Variants in ELOVL2 observed in about 807,000 individuals in gnomAD.
The protein encoded by ELOVL2 is very long chain fatty acid elongase 2.
A neutral mutation model predicts 37.7 loss-of-function variants in ELOVL2; 38 were observed. That is an observed-to-expected ratio of 1.01 (90% CI 0.78 to 1.32). The LOEUF (loss-of-function observed/expected upper bound fraction) is 1.32, where lower values mean the gene tolerates loss of function less well. Among genes scored for constraint, ELOVL2 ranks in the 40% most tolerant of loss-of-function variants. ELOVL2 has a pLI of 0.00. For missense variants in ELOVL2, 352 were observed against 363.6 expected, an observed-to-expected ratio of 0.97 and a Z score of 0.26; for synonymous variants, 115 against 122.3, an observed-to-expected ratio of 0.94 and a Z score of 0.40.
intron 1 of ELOVL2, among the ~76,000 whole-genome samples, chr6:11,013,457 G>A (rs1180509718): frequency 1.3e-5 from 2 of 152,220 alleles, no homozygotes; most frequent in African/African-American, 4.8e-5. Context: ...TAAATGTCAA[G>A]TGTGCTGGAC....
chr6:11,024,535 A>C (rs1259872512), intron 1 of ELOVL2, among the ~76,000 whole-genome samples: 2 of 152,222 alleles, frequency 1.3e-5, no homozygotes, highest in African/African-American at 4.8e-5. Context: ...ACTTAGTATT[A>C]CTGAATAAAA....
At chr6:11,036,628 A>G (rs1338838829) in intron 1 of ELOVL2, among the ~76,000 whole-genome samples, 2 of 152,226 alleles carry the variant, frequency 1.3e-5, no homozygotes, top group Non-Finnish European at 2.9e-5. Flanking sequence ...ACATTAGAAC[A>G]GTCATGAAAT....
At chr6:11,013,868 CAA>C (rs57378623) in intron 1 of ELOVL2, among the ~76,000 whole-genome samples, 48 of 136,704 alleles carry the variant, frequency 3.5e-4, no homozygotes, top group African/African-American at 6.6e-4. Context: ...CTCCACAAAG[CAA>C]AAAAAAAAAA....
At chr6:11,030,977 A>G (rs1449902721) in intron 1 of ELOVL2, among the ~76,000 whole-genome samples, 42 of 152,216 alleles carry the variant, frequency 2.8e-4, no homozygotes. Context: ...ATATATTTAC[A>G]TGCAGATATT....
At chr6:10,992,166 C>A (rs1022406429) in intron 5 of ELOVL2, among the ~76,000 whole-genome samples, 1 of 152,160 alleles carries the variant, frequency 6.6e-6, no homozygotes, top group Non-Finnish European at 1.5e-5. Flanking sequence ...GAGATCAATT[C>A]TTTCTTTCTT....
At position 10,983,789 on chromosome 6, in the gene ELOVL2, C is replaced by G; in HGVS notation, c.883G>C (p.Ala295Pro). The G allele has an allele frequency of 3.1e-6, 5 of 1,605,396 alleles. No homozygotes were observed. The highest frequency in any genetic ancestry group is 4.2e-6 in the Non-Finnish European group (5 of 1,177,554). ...TTTTCTGTTACTCATTTTTATTGTGCTTTCTTGTTCATCACTCCATTTGCT... is the reference window on the plus strand; with the variant it reads ...TTTTCTGTTACTCATTTTTATTGTGGTTTCTTGTTCATCACTCCATTTGCT... ...TAANGVMNKKAQ is the reference protein window; with the variant it reads ...TAANGVMNKKPQ The change falls in exon 8 of 8, where the codon GCA becomes CCA. Residue 295 changes from alanine to proline, a missense_variant. Physicochemically the swap from Ala to Pro is conservative, Grantham distance 27 (BLOSUM62 -1). Transcript: ENST00000354666.
chr6:11,007,176 G>A (rs976523983), intron 2 of ELOVL2, among the ~76,000 whole-genome samples: 3 of 152,214 alleles, frequency 2.0e-5, no homozygotes, highest in African/African-American at 7.2e-5. Flanking sequence ...GAAATGACTT[G>A]CACTAAACTG....
At chr6:11,015,302 T>C (rs1386736667) in intron 1 of ELOVL2, among the ~76,000 whole-genome samples, 2 of 152,150 alleles carry the variant, frequency 1.3e-5, no homozygotes, top group Admixed American at 6.5e-5. Flanking sequence ...CTGCACTACA[T>C]AGTATGCTAA....
At chr6:10,996,962 A>G (rs1043297937) in intron 4 of ELOVL2, among the ~76,000 whole-genome samples, 3 of 152,230 alleles carry the variant, frequency 2.0e-5, no homozygotes, top group African/African-American at 7.2e-5. Context: ...CTGAGCCGAG[A>G]TGGCACCACT....
At chr6:11,040,004 A>C (rs1783074549) in intron 1 of ELOVL2, among the ~76,000 whole-genome samples, 1 of 152,194 alleles carries the variant, frequency 6.6e-6, no homozygotes, top group South Asian at 2.1e-4. Flanking sequence ...ACAAAAGAGG[A>C]GATCTGTAGA....
chr6:11,031,376 T>C (rs756822412), intron 1 of ELOVL2, among the ~76,000 whole-genome samples: 1 of 152,260 alleles, frequency 6.6e-6, no homozygotes, highest in Non-Finnish European at 1.5e-5. Flanking sequence ...TGGAACTTGC[T>C]ACTGTCAGAA....
intron 7 of ELOVL2, among the ~76,000 whole-genome samples, chr6:10,986,852 T>C (rs921039607): frequency 6.6e-6 from 1 of 152,268 alleles, no homozygotes; most frequent in African/African-American, 2.4e-5. Flanking sequence ...ATCATGATGA[T>C]GCTGGCCTCA....
chr6:10,998,351 T>C (rs1561716359), intron 4 of ELOVL2, among the ~76,000 whole-genome samples: 1 of 152,208 alleles, frequency 6.6e-6, no homozygotes, highest in East Asian at 1.9e-4. Flanking sequence ...CCTAAGCATT[T>C]TTCTTTTCTC....
chr6:11,026,220 T>C (rs1253051784), intron 1 of ELOVL2, among the ~76,000 whole-genome samples: 2 of 152,216 alleles, frequency 1.3e-5, no homozygotes, highest in African/African-American at 4.8e-5. Flanking sequence ...CCTGCTCTGA[T>C]TCCATAAAAA....
chr6:11,016,681 T>C (rs1782690031), intron 1 of ELOVL2, among the ~76,000 whole-genome samples: 1 of 152,200 alleles, frequency 6.6e-6, no homozygotes, highest in South Asian at 2.1e-4. Context: ...TCCTCTCCAT[T>C]GTTCCCATGG....
chr6:11,004,082 CAA>C (rs796099767), intron 3 of ELOVL2, among the ~76,000 whole-genome samples: 8 of 131,714 alleles, frequency 6.1e-5, no homozygotes, highest in South Asian at 2.4e-4. Flanking sequence ...GACTCTGCCT[CAA>C]AAAAAAAAAA....
rs1781955814 is a variant in ELOVL2, at chr6:10,982,438, A to C, written c.*1343T>G. 6.6e-6 allele frequency: 1 copy of C among 152,146 alleles called. No homozygotes were observed. The highest frequency in any genetic ancestry group is 1.5e-5 in the Non-Finnish European group (1 of 68,024). The allele number at this position is 152,146 out of a possible 1,614,324, so 9.4% of individuals were successfully genotyped here. The stretch of plus-strand genomic sequence containing the variant: ...ATAAGGCAGGAGAGAAGATGAAGTG[A>C]CTTCATCGAAGCTAACAAGTTTTAT... On this transcript the variant is annotated 3_prime_UTR_variant, in exon 8 of 8. Transcript: ENST00000354666.
chr6:10,984,191 T>G (rs1163654606), intron 7 of ELOVL2, among the ~76,000 whole-genome samples: 1 of 152,078 alleles, frequency 6.6e-6, no homozygotes, highest in Non-Finnish European at 1.5e-5. Flanking sequence ...CTAATTTATG[T>G]ATTTTTAGTA....
chr6:11,040,181 C>G (rs543861209), intron 1 of ELOVL2, among the ~76,000 whole-genome samples: 136 of 152,238 alleles, frequency 8.9e-4, no homozygotes, highest in African/African-American at 3.0e-3. Context: ...GAATTACTAA[C>G]AGCAAAAGAG....
Sources: gnomAD v4.1 joint callset for allele counts (sites outside exome capture counted in the v4.1 genomes callset) on GRCh38, gnomAD v4.1.1 for gene constraint, MANE v1.5 for transcripts, NCBI Gene and HGNC (gene_info 2026-07-23, HGNC 2026-07-21) for gene names.